The following DHODH variants were observed in gnomAD, a reference collection of about 807,000 sequenced individuals.
DHODH encodes the protein dihydroorotate dehydrogenase (quinone).
DHODH carries 30 observed loss-of-function variants against 39.7 expected under a neutral mutation model. The ratio of observed to expected loss-of-function variants is 0.76; its 90% CI spans 0.57 to 1.02. DHODH has a LOEUF of 1.02. Ranked by LOEUF, DHODH falls within the 50% of genes least tolerant of loss-of-function variation. DHODH has a pLI of 0.00. For synonymous variants in DHODH, 222 were observed against 213.8 expected (o/e 1.04, Z -0.34); for missense variants, 531 against 520.8 (o/e 1.02, Z -0.19).
intron 3 of DHODH, 142 bp from the exon 4 acceptor site, chr16:72,016,882 A>G: frequency 4.0e-6 from 3 of 743,736 alleles, no homozygotes; most frequent in Non-Finnish European, 7.2e-6. Context: ...GTTCTCTAGG[A>G]GTCCCAGTGG....
chr16:72,023,691 C>G, intron 8 of DHODH, 58 bp downstream of exon 8: 1 of 1,602,660 alleles, frequency 6.2e-7, no homozygotes, highest in Non-Finnish European at 8.5e-7. Flanking sequence ...ATTTAGATCA[C>G]TCAAGTCAAC....
chr16:72,017,896 C>G (rs1031870521), intron 4 of DHODH, among the ~76,000 whole-genome samples: 5 of 151,638 alleles, frequency 3.3e-5, no homozygotes, highest in African/African-American at 1.2e-4. Flanking sequence ...CTCAGCCTCC[C>G]GAGTAGCTGG....
intron 4 of DHODH, 130 bp from the exon 5 acceptor site, chr16:72,020,994 G>C: frequency 4.4e-6 from 4 of 912,162 alleles, no homozygotes; most frequent in Non-Finnish European, 6.6e-6. Flanking sequence ...CCTGTCAGCC[G>C]GTGTCGGGCA....
intron 2 of DHODH, among the ~76,000 whole-genome samples, chr16:72,012,745 C>G (rs963693004): frequency 6.6e-6 from 1 of 152,180 alleles, no homozygotes; most frequent in Admixed American, 6.5e-5. Context: ...GCAGGAGCAT[C>G]GTGTCCCAGC....
Position 72,022,462 on chromosome 16 carries a change from G to A in DHODH, c.806G>A (p.Ser269Asn), listed in dbSNP as rs1345739845. 2 of 1,553,360 alleles carry A rather than the reference G, an allele frequency of 1.3e-6. No individual in the cohort carries two copies. Among genetic ancestry groups the A allele is most frequent in the Admixed American group, 1.9e-5 (1 of 51,350 alleles). Residue 269 changes from serine (S) to asparagine (N), a missense_variant, in exon 6 of 9, where the codon AGT becomes AAT. Ser to Asn is a conservative substitution (Grantham distance 46). Coordinates refer to ENST00000219240, the MANE Select transcript of DHODH (RefSeq NM_001361.5). Reference sequence around the variant, plus strand: ...AGCCAGGATAAGGAGGACATTGCCAGTGTGGTCAAAGAGGTTTGAGTCGGG... The same window carrying A: ...AGCCAGGATAAGGAGGACATTGCCAATGTGGTCAAAGAGGTTTGAGTCGGG... ...LTSQDKEDIA[S>N]VVKELGIDGL...
At chr16:72,008,835 G>A (rs754287528) in intron 1 of DHODH, 50 bp downstream of exon 1, 2 of 1,552,048 alleles carry the variant, frequency 1.3e-6, no homozygotes, top group Non-Finnish European at 1.7e-6. Flanking sequence ...GACCGGGGAG[G>A]GCGAGAACGG....
At position 72,023,177 on chromosome 16, in the gene DHODH, G is replaced by A. The variant is rs748470965; in HGVS notation, c.832G>A (p.Gly278Arg). ...ASVVKELGID[G>R]LIVTNTTVSR... ...TCTCGCACTGCAGTTGGGCATCGAT[G>A]GGCTGATTGTTACGAACACCACCGT... Residue 278 changes from glycine (G) to arginine (R), a missense_variant, in exon 7 of 9, where the codon GGG (glycine) becomes AGG (arginine). Physicochemically the swap from Gly to Arg is moderately radical, Grantham distance 125. Coordinates refer to ENST00000219240, the MANE Select transcript of DHODH (RefSeq NM_001361.5). 3.1e-6 allele frequency: 5 copies of A among 1,614,136 alleles called. No individual in the cohort carries two copies. In the South Asian group the frequency reaches 4.4e-5, roughly 14 times the overall value.
At chr16:72,023,663 G>A in intron 8 of DHODH, 30 bp downstream of exon 8, 1 of 1,611,814 alleles carries the variant, frequency 6.2e-7, no homozygotes, top group Non-Finnish European at 8.5e-7. Flanking sequence ...GCTTGAAACA[G>A]AAGTTAGGCA....
intron 3 of DHODH, 160 bp from the exon 4 acceptor site, chr16:72,016,864 T>C: frequency 1.4e-6 from 1 of 696,212 alleles, no homozygotes; most frequent in East Asian, 2.8e-5. Context: ...TGGATGGTGT[T>C]CTGGCAAGTT....
intron 2 of DHODH, among the ~76,000 whole-genome samples, chr16:72,014,219 G>C (rs144272980): frequency 1.3e-5 from 2 of 152,132 alleles, no homozygotes. Context: ...CTCCCCCCAG[G>C]CTTGCTAATA....
In DHODH at chr16:72,021,330, C is replaced by G; in HGVS notation, c.705+19C>G. On this transcript the variant is annotated intron_variant, in intron 5 of 8. Coordinates refer to ENST00000219240, the MANE Select transcript of DHODH (RefSeq NM_001361.5). ...GACCAAGGTGGGCAGCTGCACCCCT[C>G]TCCAGGCCCTGTCCCACCAGCCTGT... 1 of 1,585,358 alleles carries G rather than the reference C, an allele frequency of 6.3e-7. No individual in the cohort carries two copies. Among genetic ancestry groups the G allele is most frequent in the Non-Finnish European group, 8.5e-7 (1 of 1,170,278 alleles).
chr16:72,020,329 G>GTATATATA (rs60652629), intron 4 of DHODH: 1,023 of 102,052 alleles, frequency 0.01, 38 homozygotes, highest in African/African-American at 0.044. Context: ...ATGTATATGT[G>GTATATATA]TATATATATA....
At chr16:72,009,567 T>TG (rs375408191) in intron 1 of DHODH, among the ~76,000 whole-genome samples, 5,739 of 131,468 alleles carry the variant, frequency 0.044, 386 homozygotes, top group African/African-American at 0.15. Flanking sequence ...ATTGACATGG[T>TG]GGGGGGGAGT....
At position 72,008,803 on chromosome 16, in the gene DHODH, G is replaced by A. The variant is rs1213786108; in HGVS notation, c.21+18G>A. On this transcript the variant is annotated intron_variant, in intron 1 of 8. Transcript: ENST00000219240. ...ACCTGAAAGTGAGTCCCGCGAGTGAGCAGTGTGGATGGGGGACCAGGGACC... is the reference window on the plus strand; with the variant it reads ...ACCTGAAAGTGAGTCCCGCGAGTGAACAGTGTGGATGGGGGACCAGGGACC... 2.6e-6 allele frequency: 4 copies of A among 1,552,310 alleles called. No individual in the cohort carries two copies. Among genetic ancestry groups the A allele is most frequent in the African/African-American group, 2.7e-5 (2 of 73,106 alleles).
Position 72,023,288 on chromosome 16 carries a change from A to G in DHODH, c.943A>G (p.Thr315Ala). The G allele has an allele frequency of 1.2e-6, 2 of 1,614,168 alleles. No homozygotes were observed. Among genetic ancestry groups the G allele is most frequent in the African/African-American group, 1.3e-5 (1 of 75,048 alleles). Residue 315 changes from threonine (T) to alanine (A), a missense_variant, in exon 7 of 9, where the codon ACC (threonine) becomes GCC (alanine). By Grantham distance (58) the Thr-to-Ala change is moderately conservative. Coordinates refer to ENST00000219240, the MANE Select transcript of DHODH (RefSeq NM_001361.5). ...GKPLRDLSTQ[T>A]IREMYALTQG... ...GCCCCTCCGGGATTTATCAACTCAA[A>G]CCATTCGGGAGATGTATGCACTCAC...
intron 5 of DHODH, 57 bp from the exon 6 acceptor site, chr16:72,022,305 C>G: frequency 7.7e-7 from 1 of 1,298,482 alleles, no homozygotes; most frequent in Non-Finnish European, 1.1e-6. Flanking sequence ...TAGGTCACAG[C>G]TGCACTGCAG....
intron 2 of DHODH, among the ~76,000 whole-genome samples, 156 bp downstream of exon 2, chr16:72,012,418 A>G (rs752453202): frequency 6.6e-6 from 1 of 152,204 alleles, no homozygotes; most frequent in Non-Finnish European, 1.5e-5. Context: ...ATGTCATGTA[A>G]TTAGCAACGA....
rs544511353 is a variant in DHODH, at chr16:72,010,314, A to T, written c.21+1529A>T. ...CTTCTGGTTAACTATTTTTTTAAAT[A>T]ATTGAACCAGAATAGGTTCAGAGAG... On this transcript the variant is annotated intron_variant, in intron 1 of 8. Transcript: ENST00000219240. 4.7e-4 allele frequency among the ~76,000 whole-genome samples: 71 copies of T among 152,296 alleles called. No individual in the cohort carries two copies. In the Middle Eastern group the frequency reaches 0.01, roughly 22 times the overall value.
rs1161857973 is a variant in DHODH, at chr16:72,021,145, A to C, written c.539A>C (p.Asn180Thr). 5 of 1,608,470 alleles carry C rather than the reference A, an allele frequency of 3.1e-6. No individual in the cohort carries two copies. Among genetic ancestry groups the C allele is most frequent in the Non-Finnish European group, 3.4e-6 (4 of 1,177,524 alleles). Reference sequence around the variant, plus strand: ...GCAGATGGACTGCCTCTGGGGGTCAACTTGGGGAAGAACAAGACCTCAGTG... The same window carrying C: ...GCAGATGGACTGCCTCTGGGGGTCACCTTGGGGAAGAACAAGACCTCAGTG... ...LTEDGLPLGV[N>T]LGKNKTSVDA... The change falls in exon 5 of 9, where the codon AAC becomes ACC. Residue 180 changes from asparagine to threonine, a missense_variant. Transcript: ENST00000219240.
Sources: allele counts gnomAD v4.1 joint callset (sites outside exome capture counted in the v4.1 genomes callset), GRCh38; gene constraint gnomAD v4.1.1; transcripts MANE v1.5; gene names NCBI Gene and HGNC (gene_info 2026-07-23, HGNC 2026-07-21).